Variants in DCUN1D4 observed in about 807,000 individuals in gnomAD.
The protein encoded by DCUN1D4 is defective in cullin neddylation 1 domain containing 4.
In DCUN1D4, 22 loss-of-function variants were observed where a neutral mutation model predicts 47.9. That is an observed-to-expected ratio of 0.46 (90% CI 0.33 to 0.66). DCUN1D4 has a LOEUF of 0.66. Among genes scored for constraint, DCUN1D4 ranks in the 30% least tolerant of loss-of-function variants. The pLI is 0.02. For synonymous variants in DCUN1D4, 121 were observed against 112.2 expected, an observed-to-expected ratio of 1.08 and a Z score of -0.50; for missense variants, 301 against 340.8, an observed-to-expected ratio of 0.88 and a Z score of 0.92.
the DCUN1D4 span, among the ~76,000 whole-genome samples, chr4:51,835,653 G>C: frequency 6.6e-6 from 1 of 152,106 alleles, no homozygotes; most frequent in Non-Finnish European, 1.5e-5. Flanking sequence ...GGACAGGGCA[G>C]CTGGGAGGTC....
the DCUN1D4 span, among the ~76,000 whole-genome samples, chr4:51,834,096 C>CTTTTTTTTTTTTTT: frequency 4.6e-5 from 2 of 43,580 alleles, no homozygotes; most frequent in Non-Finnish European, 7.6e-5. Flanking sequence ...CTTTTCTTTT[C>CTTTTTTTTTTTTTT]TTCTTTCTTT....
intron 1 of DCUN1D4, among the ~76,000 whole-genome samples, chr4:51,849,342 C>A (rs1047508971): frequency 3.9e-5 from 6 of 152,178 alleles, no homozygotes; most frequent in African/African-American, 1.2e-4. Context: ...GCTGTGTCCC[C>A]TTAGGCATTG....
chr4:51,881,676 AAC>A (rs1728651479), intron 5 of DCUN1D4, among the ~76,000 whole-genome samples: 2 of 151,466 alleles, frequency 1.3e-5, no homozygotes, highest in South Asian at 2.1e-4. Context: ...AAAAAAAAAA[AAC>A]AAGAAAAAAA....
chr4:51,864,397 C>G (rs1053265455), intron 3 of DCUN1D4, among the ~76,000 whole-genome samples: 1 of 152,142 alleles, frequency 6.6e-6, no homozygotes, highest in Non-Finnish European at 1.5e-5. Flanking sequence ...AAAATCCTAG[C>G]AAAAATTATT....
intron 9 of DCUN1D4, among the ~76,000 whole-genome samples, chr4:51,912,864 A>G (rs1374274802): frequency 6.6e-6 from 1 of 152,230 alleles, no homozygotes; most frequent in Non-Finnish European, 1.5e-5. Context: ...CAGGGGTTAT[A>G]TTAATGGGAG....
At chr4:51,873,230 ACTT>A (rs1321443452) in intron 3 of DCUN1D4, among the ~76,000 whole-genome samples, 1 of 152,178 alleles carries the variant, frequency 6.6e-6, no homozygotes, top group East Asian at 1.9e-4. Flanking sequence ...AGAATTCACC[ACTT>A]CTCACTCCTG....
At chr4:51,896,160 A>G (rs1224795670) in intron 7 of DCUN1D4, among the ~76,000 whole-genome samples, 2 of 152,186 alleles carry the variant, frequency 1.3e-5, no homozygotes, top group African/African-American at 4.8e-5. Context: ...AGTTAGTAAT[A>G]TTACTTGTGT....
chr4:51,898,585 A>G (rs1000227149), intron 7 of DCUN1D4, among the ~76,000 whole-genome samples: 2 of 152,248 alleles, frequency 1.3e-5, no homozygotes, highest in Non-Finnish European at 2.9e-5. Context: ...GGTGGACACC[A>G]CCATAACCAT....
intron 6 of DCUN1D4, among the ~76,000 whole-genome samples, chr4:51,891,431 T>C (rs1386036726): frequency 2.0e-5 from 3 of 152,250 alleles, no homozygotes; most frequent in Non-Finnish European, 4.4e-5. Context: ...ACCTATAAGA[T>C]AACTTGCCAT....
chr4:51,844,551 G>C (rs887211130), intron 1 of DCUN1D4, among the ~76,000 whole-genome samples: 2 of 151,942 alleles, frequency 1.3e-5, no homozygotes, highest in African/African-American at 4.8e-5. Context: ...CTGGCAGTCC[G>C]TGGGTTTGAT....
At chr4:51,902,388 C>G (rs1255009647) in intron 8 of DCUN1D4, among the ~76,000 whole-genome samples, 1 of 152,186 alleles carries the variant, frequency 6.6e-6, no homozygotes. Flanking sequence ...TGTATGTCTT[C>G]TGTCACCTCT....
intron 4 of DCUN1D4, among the ~76,000 whole-genome samples, chr4:51,876,960 A>G (rs777543849): frequency 8.5e-5 from 13 of 152,178 alleles, no homozygotes; most frequent in African/African-American, 1.2e-4. Context: ...TATCCATATC[A>G]TCATTTTAAA....
intron 1 of DCUN1D4, among the ~76,000 whole-genome samples, chr4:51,855,357 T>C (rs1249688388): frequency 6.6e-6 from 1 of 152,186 alleles, no homozygotes; most frequent in African/African-American, 2.4e-5. Flanking sequence ...TACACTATAA[T>C]GAGTGAATTC....
chr4:51,839,026 G>C (rs1170537363), upstream of DCUN1D4, among the ~76,000 whole-genome samples: 1 of 152,078 alleles, frequency 6.6e-6, no homozygotes, highest in African/African-American at 2.4e-5. Context: ...CGTGAATGGA[G>C]ATCCCACCAC....
chr4:51,888,893 A>G (rs777361294), intron 6 of DCUN1D4, among the ~76,000 whole-genome samples: 2 of 152,024 alleles, frequency 1.3e-5, no homozygotes, highest in Non-Finnish European at 2.9e-5. Flanking sequence ...GGTGGATCAC[A>G]TGAGGTCAGG....
intron 7 of DCUN1D4, among the ~76,000 whole-genome samples, chr4:51,894,173 T>A (rs2110076010): frequency 6.6e-6 from 1 of 152,320 alleles, no homozygotes; most frequent in Admixed American, 6.5e-5. Flanking sequence ...TGTAAAGGCA[T>A]GGAGGAACCG....
At chr4:51,848,428 AT>A (rs1722886207) in intron 1 of DCUN1D4, 1 of 1,018,092 alleles carries the variant, frequency 9.8e-7, no homozygotes, top group East Asian at 8.5e-5. Flanking sequence ...TTATATCCAT[AT>A]TCTGGTCCTA....
intron 3 of DCUN1D4, among the ~76,000 whole-genome samples, chr4:51,869,280 G>C (rs1726497540): frequency 6.6e-6 from 1 of 152,084 alleles, no homozygotes; most frequent in South Asian, 2.1e-4. Flanking sequence ...TCAAGAAAAT[G>C]AAATAAAAAT....
chr4:51,856,173 G>T (rs1203245707), intron 1 of DCUN1D4, among the ~76,000 whole-genome samples: 1 of 152,134 alleles, frequency 6.6e-6, no homozygotes, highest in Non-Finnish European at 1.5e-5. Context: ...CAATAACATG[G>T]TCACTATTTT....
Sources: gnomAD v4.1 joint callset for allele counts (sites outside exome capture counted in the v4.1 genomes callset) on GRCh38, gnomAD v4.1.1 for gene constraint, MANE v1.5 for transcripts, NCBI Gene and HGNC (gene_info 2026-07-23, HGNC 2026-07-21) for gene names.